FER: variants seen among roughly 807,000 people sequenced by gnomAD.
FER encodes the protein tyrosine-protein kinase Fer.
FER carries 63 observed loss-of-function variants against 111.0 expected under a neutral mutation model. The ratio of observed to expected loss-of-function variants is 0.57; its 90% CI spans 0.46 to 0.70. The LOEUF (loss-of-function observed/expected upper bound fraction) is 0.70. FER is among the 30% of genes least tolerant of loss of function. The pLI is 0.00. For missense variants in FER, 914 were observed against 954.0 expected, an observed-to-expected ratio of 0.96 and a Z score of 0.55; for synonymous variants, 327 against 313.9, an observed-to-expected ratio of 1.04 and a Z score of -0.44.
intron 17 of FER, among the ~76,000 whole-genome samples, chr5:109,103,964 G>A (rs981434475): frequency 1.5e-4 from 23 of 152,168 alleles, no homozygotes; most frequent in Admixed American, 1.5e-3. Flanking sequence ...AGTAAAAGGA[G>A]GACACACTTT....
intron 1 of FER, among the ~76,000 whole-genome samples, chr5:108,750,362 T>C (rs987557415): frequency 6.6e-6 from 1 of 152,182 alleles, no homozygotes; most frequent in Non-Finnish European, 1.5e-5. Flanking sequence ...TGTGAGTAGC[T>C]CCAGGTTTGT....
chr5:108,936,016 A>C lies in FER; in HGVS notation c.1237-10114A>C, dbSNP rs1208914869. On this transcript the variant is annotated intron_variant, in intron 10 of 19. Coordinates refer to ENST00000281092, the MANE Select transcript of FER (RefSeq NM_005246.4). ...GTGTCTTGCAAGAACTATTTATTCAAGGCAGTCAACATAGCATAATGATTA... is the reference window on the plus strand; with the variant it reads ...GTGTCTTGCAAGAACTATTTATTCACGGCAGTCAACATAGCATAATGATTA... Among the ~76,000 whole-genome samples the C allele has an allele frequency of 2.6e-5, 4 of 152,050 alleles. No homozygotes were observed. In the East Asian group the frequency reaches 7.7e-4, roughly 29 times the overall value.
At chr5:109,171,069 C>G (rs1001626314) in intron 17 of FER, among the ~76,000 whole-genome samples, 2 of 152,188 alleles carry the variant, frequency 1.3e-5, no homozygotes, top group Non-Finnish European at 2.9e-5. Flanking sequence ...TCTATGTGCA[C>G]TATTCTTTTA....
rs1385031417 is a variant in FER at position 108,962,637 on chromosome 5, T to A, written c.1656+3290T>A. ...ATTCAATAAATATTTGTTAGAGGAT[T>A]GAATTCACTGAGCAATGGCTAGGAG... On this transcript the variant is annotated intron_variant, in intron 13 of 19. Coordinates refer to ENST00000281092, the MANE Select transcript of FER (RefSeq NM_005246.4). Among the ~76,000 whole-genome samples the A allele has an allele frequency of 2.6e-5, 4 of 152,350 alleles. No homozygotes were observed. In the Middle Eastern group the frequency reaches 0.01, roughly 389 times the overall value.
At chr5:108,951,265 A>AAAAAAT (rs1176293683) in intron 11 of FER, among the ~76,000 whole-genome samples, 6 of 152,064 alleles carry the variant, frequency 3.9e-5, no homozygotes. Context: ...CTCCATCTCA[A>AAAAAAT]AAAAATAAAA....
intron 3 of FER, among the ~76,000 whole-genome samples, chr5:108,813,772 C>G (rs1757998375): frequency 6.6e-6 from 1 of 152,110 alleles, no homozygotes; most frequent in African/African-American, 2.4e-5. Flanking sequence ...CCAGCAGTGT[C>G]TCTTCTTCCC....
At chr5:109,149,050 A>G (rs149047493) in intron 17 of FER, among the ~76,000 whole-genome samples, 1 of 152,168 alleles carries the variant, frequency 6.6e-6, no homozygotes, top group East Asian at 1.9e-4. Context: ...AAAGGTCCAA[A>G]TAATAGTCAA....
intron 13 of FER, among the ~76,000 whole-genome samples, chr5:108,982,514 T>G (rs1278411456): frequency 3.9e-5 from 6 of 152,038 alleles, no homozygotes; most frequent in Non-Finnish European, 8.8e-5. Context: ...TTTGGAGAAG[T>G]TGATGTTCCA....
At chr5:109,063,898 TTATATCTAAACCTA>T (rs541316842) in intron 16 of FER, among the ~76,000 whole-genome samples, 2 of 152,280 alleles carry the variant, frequency 1.3e-5, no homozygotes, top group African/African-American at 4.8e-5. Flanking sequence ...TTAACTGATG[TTATATCTAAACCTA>T]GACATTCCCA....
intron 10 of FER, among the ~76,000 whole-genome samples, chr5:108,900,747 C>T (rs1429817382): frequency 6.6e-6 from 1 of 152,014 alleles, no homozygotes; most frequent in Non-Finnish European, 1.5e-5. Context: ...TTGAAATGTG[C>T]CATGCATTGG....
At chr5:108,910,779 A>G (rs557507474) in intron 10 of FER, among the ~76,000 whole-genome samples, 2 of 151,836 alleles carry the variant, frequency 1.3e-5, no homozygotes, top group East Asian at 1.9e-4. Context: ...ATGATGGATC[A>G]TGGCCTCCAG....
chr5:109,121,188 G>A (rs773344792), intron 17 of FER, among the ~76,000 whole-genome samples: 15 of 152,076 alleles, frequency 9.9e-5, no homozygotes, highest in African/African-American at 1.4e-4. Flanking sequence ...TAGAGGAAAG[G>A]CTTTCAGTTT....
chr5:109,081,947 C>T (rs533391082), intron 16 of FER, among the ~76,000 whole-genome samples: 13 of 151,944 alleles, frequency 8.6e-5, no homozygotes, highest in Non-Finnish European at 1.8e-4. Flanking sequence ...CCTCTCCTAC[C>T]CCTTCAGAAT....
intron 16 of FER, among the ~76,000 whole-genome samples, chr5:109,076,756 T>A (rs907962329): frequency 3.3e-5 from 5 of 152,170 alleles, no homozygotes; most frequent in African/African-American, 1.2e-4. Context: ...TGTTTCAAAC[T>A]GGAAGTCTGG....
intron 1 of FER, chr5:108,749,034 C>T (rs1750102508): frequency 6.6e-6 from 1 of 152,140 alleles, no homozygotes; most frequent in Non-Finnish European, 1.5e-5. Context: ...CGCTGTTGCC[C>T]GGGGCAACGC....
At chr5:109,179,472 C>T (rs1758050945) in intron 17 of FER, among the ~76,000 whole-genome samples, 1 of 152,168 alleles carries the variant, frequency 6.6e-6, no homozygotes, top group African/African-American at 2.4e-5. Flanking sequence ...CTCCTATGTT[C>T]TGTTACTCTA....
intron 13 of FER, among the ~76,000 whole-genome samples, chr5:108,997,004 A>G (rs1351493860): frequency 6.6e-6 from 1 of 151,830 alleles, no homozygotes; most frequent in Non-Finnish European, 1.5e-5. Flanking sequence ...ATTCCTAGGT[A>G]TTTTATTCCC....
At chr5:108,969,002 A>G (rs915643170) in intron 13 of FER, among the ~76,000 whole-genome samples, 3 of 152,168 alleles carry the variant, frequency 2.0e-5, no homozygotes, top group Non-Finnish European at 2.9e-5. Flanking sequence ...AGATTAGCAT[A>G]AATTTAAAAT....
At chr5:109,046,061 A>G (rs1771925817) in intron 15 of FER, among the ~76,000 whole-genome samples, 1 of 152,038 alleles carries the variant, frequency 6.6e-6, no homozygotes. Flanking sequence ...CTCTTTAGGG[A>G]CATGGTTTCA....
Sources: allele counts gnomAD v4.1 joint callset (sites outside exome capture counted in the v4.1 genomes callset), GRCh38; gene constraint gnomAD v4.1.1; transcripts MANE v1.5; gene names NCBI Gene and HGNC (gene_info 2026-07-23, HGNC 2026-07-21).